Variants in WASF2 observed in about 807,000 individuals in gnomAD.
WASF2 encodes WASP family member 2, also known as actin-binding protein WASF2.
WASF2 carries 14 observed loss-of-function variants against 45.0 expected under a neutral mutation model. The observed-to-expected ratio is 0.31, with a 90% CI of 0.21 to 0.49. The LOEUF (loss-of-function observed/expected upper bound fraction) is 0.49, where lower values mean the gene tolerates loss of function less well. Among genes scored for constraint, WASF2 ranks in the 20% least tolerant of loss-of-function variants. WASF2 has a pLI of 0.99. For missense variants in WASF2, 439 were observed against 636.1 expected, an observed-to-expected ratio of 0.69 and a Z score of 3.33; for synonymous variants, 200 against 236.3, an observed-to-expected ratio of 0.85 and a Z score of 1.41.
intron 1 of WASF2, among the ~76,000 whole-genome samples, chr1:27,434,081 G>A (rs2017100518): frequency 6.6e-6 from 1 of 152,188 alleles, no homozygotes; most frequent in Non-Finnish European, 1.5e-5. Context: ...AATTAGAACT[G>A]CTGAGAATAT....
intron 2 of WASF2, among the ~76,000 whole-genome samples, chr1:27,428,160 T>A (rs899952640): frequency 1.3e-5 from 2 of 152,120 alleles, no homozygotes; most frequent in African/African-American, 2.4e-5. Context: ...CTTGCAAAAC[T>A]CCCAATACCC....
At chr1:27,423,463 T>G (rs946009076) in intron 2 of WASF2, among the ~76,000 whole-genome samples, 7 of 152,300 alleles carry the variant, frequency 4.6e-5, no homozygotes, top group African/African-American at 1.7e-4. Context: ...ATTACAGGCG[T>G]GAGCCACTGT....
intron 1 of WASF2, among the ~76,000 whole-genome samples, chr1:27,472,006 C>T (rs1242048125): frequency 2.0e-5 from 3 of 152,164 alleles, no homozygotes; most frequent in African/African-American, 7.2e-5. Flanking sequence ...AAATAATCCA[C>T]TCTCTTTGTA....
chr1:27,465,164 C>T (rs755823461), intron 1 of WASF2, among the ~76,000 whole-genome samples: 29 of 152,170 alleles, frequency 1.9e-4, no homozygotes, highest in East Asian at 1.9e-4. Context: ...ATTCTCTGAA[C>T]GCTACAGCCA....
At chr1:27,477,839 C>T (rs2017786860) in intron 1 of WASF2, among the ~76,000 whole-genome samples, 1 of 100,058 alleles carries the variant, frequency 1.0e-5, no homozygotes, top group South Asian at 3.8e-4. Flanking sequence ...GCGGAGCTTG[C>T]AGTGAGCCGA....
In WASF2 at chr1:27,407,238, T is replaced by A. The variant is rs2016690298; in HGVS notation, c.*951A>T. 6.5e-6 allele frequency: 1 copy of A among 152,744 alleles called. No homozygotes were observed. 9.5% of individuals were successfully genotyped at this position (152,744 alleles called of 1,614,324 possible). ...ACAGGTGACTTGGAATCAGGAACTC[T>A]GCGCTCTAGCTATGTCACTATCCAA... On this transcript the variant is annotated 3_prime_UTR_variant, in exon 9 of 9. Coordinates refer to ENST00000618852, the MANE Select transcript of WASF2 (RefSeq NM_006990.5).
chr1:27,441,670 C>T (rs553580700), intron 1 of WASF2, among the ~76,000 whole-genome samples: 140 of 139,622 alleles, frequency 1.0e-3, no homozygotes, highest in African/African-American at 3.3e-3. Flanking sequence ...AGGAGAATGG[C>T]GGGAACCTGG....
chr1:27,489,401 T>C (rs1307116122), intron 1 of WASF2, among the ~76,000 whole-genome samples: 1 of 95,788 alleles, frequency 1.0e-5, no homozygotes, highest in African/African-American at 4.6e-5. Context: ...AGTGTCCTCC[T>C]CAATTTAGCA....
intron 1 of WASF2, among the ~76,000 whole-genome samples, chr1:27,472,083 G>A (rs568649595): frequency 2.6e-5 from 4 of 152,060 alleles, no homozygotes; most frequent in South Asian, 4.2e-4. Flanking sequence ...CTGTAATCGC[G>A]GTACTTTCAG....
At chr1:27,435,600 C>T (rs560822969) in intron 1 of WASF2, among the ~76,000 whole-genome samples, 34 of 135,982 alleles carry the variant, frequency 2.5e-4, no homozygotes, top group Non-Finnish European at 6.1e-5. Flanking sequence ...ACTTTCTGAA[C>T]TCTCATGACT....
chr1:27,441,918 C>G (rs375628425), intron 1 of WASF2, among the ~76,000 whole-genome samples: 3 of 144,708 alleles, frequency 2.1e-5, no homozygotes, highest in East Asian at 4.1e-4. Context: ...CAACGAGACT[C>G]CATCTCAAAA....
Position 27,406,595 on chromosome 1 carries a change from A to C in WASF2, c.*1594T>G, listed in dbSNP as rs1416172376. On this transcript the variant is annotated 3_prime_UTR_variant, in exon 9 of 9. Transcript: ENST00000618852. ...GAAGCCAGCAGAAGCCGATTTCAGC[A>C]TAAGAGGCTACACAATAGTTAGGGC... The C allele has an allele frequency of 6.5e-6, 1 of 152,686 alleles. No homozygotes were observed. Among genetic ancestry groups the C allele is most frequent in the East Asian group, 1.9e-4 (1 of 5,204 alleles). 9.5% of individuals were successfully genotyped at this position (152,686 alleles called of 1,614,324 possible). A position where few individuals can be genotyped will look rare whatever the true frequency, so the allele number is the denominator to read the frequency against.
intron 2 of WASF2, among the ~76,000 whole-genome samples, chr1:27,425,381 C>T (rs933810570): frequency 9.2e-5 from 14 of 152,212 alleles, no homozygotes; most frequent in Non-Finnish European, 2.1e-4. Flanking sequence ...AGCCACTATG[C>T]CAAGCCCCCT....
At chr1:27,454,732 CT>C (rs748686250) in intron 1 of WASF2, among the ~76,000 whole-genome samples, 3 of 152,126 alleles carry the variant, frequency 2.0e-5, no homozygotes, top group Non-Finnish European at 4.4e-5. Flanking sequence ...CGTATATACC[CT>C]TCTGCAACTT....
At chr1:27,425,863 A>AAAC (rs2016973206) in intron 2 of WASF2, among the ~76,000 whole-genome samples, 1 of 150,720 alleles carries the variant, frequency 6.6e-6, no homozygotes, top group Admixed American at 6.6e-5. Context: ...AAAAAAAAAA[A>AAAC]TTAGCTGGGT....
intron 1 of WASF2, among the ~76,000 whole-genome samples, chr1:27,476,906 G>A (rs778486617): frequency 1.3e-5 from 2 of 152,134 alleles, no homozygotes; most frequent in Admixed American, 6.6e-5. Flanking sequence ...CAAAAATAAG[G>A]TAATTCAGTG....
At chr1:27,449,554 G>A (rs536136554) in intron 1 of WASF2, among the ~76,000 whole-genome samples, 2 of 151,742 alleles carry the variant, frequency 1.3e-5, no homozygotes. Flanking sequence ...AGCTGAGATC[G>A]GGCCATTGCA....
intron 1 of WASF2, among the ~76,000 whole-genome samples, chr1:27,448,496 C>T (rs1436911113): frequency 4.6e-5 from 7 of 152,016 alleles, no homozygotes; most frequent in East Asian, 1.9e-4. Flanking sequence ...ACACTAACAC[C>T]GAACATTGGA....
intron 1 of WASF2, among the ~76,000 whole-genome samples, chr1:27,467,116 A>G (rs1161933469): frequency 6.8e-6 from 1 of 147,286 alleles, no homozygotes; most frequent in Non-Finnish European, 1.5e-5. Context: ...TGGGAAGCTG[A>G]GGTGGGAGGG....
Sources: gnomAD v4.1 joint callset for allele counts (sites outside exome capture counted in the v4.1 genomes callset) on GRCh38, gnomAD v4.1.1 for gene constraint, MANE v1.5 for transcripts, NCBI Gene and HGNC (gene_info 2026-07-23, HGNC 2026-07-21) for gene names.